The following TPD52 variants were observed in gnomAD, a reference collection of about 807,000 sequenced individuals.
The protein encoded by TPD52 is tumor protein D52.
Under a neutral mutation model 31.3 loss-of-function variants are expected in TPD52, and 17 were observed. That is an observed-to-expected ratio of 0.54 (90% confidence interval 0.37 to 0.82). TPD52 has a LOEUF of 0.82. Ranked by LOEUF, TPD52 falls within the 40% of genes least tolerant of loss-of-function variation. The pLI is 0.00. For synonymous variants in TPD52, 83 were observed against 89.6 expected, an observed-to-expected ratio of 0.93 and a Z score of 0.42; for missense variants, 212 against 240.1, an observed-to-expected ratio of 0.88 and a Z score of 0.77.
intron 1 of TPD52, among the ~76,000 whole-genome samples, chr8:80,106,517 C>A (rs1807123549): frequency 6.6e-6 from 1 of 151,850 alleles, no homozygotes. Flanking sequence ...CCACCACACC[C>A]GGCTAATTTT....
intron 1 of TPD52, among the ~76,000 whole-genome samples, chr8:80,134,925 T>C (rs1487789981): frequency 6.6e-6 from 1 of 152,218 alleles, no homozygotes; most frequent in Non-Finnish European, 1.5e-5. Context: ...TACACAGCGA[T>C]AGATAACTAA....
chr8:80,150,620 G>A (rs1400113808), intron 1 of TPD52, among the ~76,000 whole-genome samples: 4 of 152,220 alleles, frequency 2.6e-5, no homozygotes, highest in African/African-American at 7.2e-5. Context: ...TTGCATCAGC[G>A]TGACCTGGAT....
intron 1 of TPD52, among the ~76,000 whole-genome samples, chr8:80,101,550 A>G (rs1033405645): frequency 6.6e-6 from 1 of 152,112 alleles, no homozygotes; most frequent in African/African-American, 2.4e-5. Context: ...TTATAAAGAA[A>G]ATAGGTTTAT....
rs569115353 is a variant in TPD52 at position 80,161,196 on chromosome 8, G to A, written c.19+10229C>T. On this transcript the variant is annotated intron_variant, in intron 1 of 7. Transcript: ENST00000518937. ...CAAGAATAAAAATTTAACCAACACC[G>A]TCTCTTCTACCTATGTATACACACA... Among the ~76,000 whole-genome samples the A allele has an allele frequency of 4.6e-5, 7 of 152,278 alleles. No homozygotes were observed. In the South Asian group the frequency reaches 6.2e-4, roughly 14 times the overall value.
intron 1 of TPD52, among the ~76,000 whole-genome samples, chr8:80,152,780 C>CAAAAAAAAAGAA (rs1810670668): frequency 1.2e-5 from 1 of 83,546 alleles, no homozygotes; most frequent in African/African-American, 5.1e-5. Context: ...GACTCCGTCT[C>CAAAAAAAAAGAA]AAAAAAAAAA....
At chr8:80,158,745 C>A (rs1473970294) in intron 1 of TPD52, 1 of 151,342 alleles carries the variant, frequency 6.6e-6, no homozygotes, top group Middle Eastern at 3.4e-3. Context: ...GAGATCGAGA[C>A]CATCCCGGCT....
At chr8:80,113,964 G>A (rs1807684205) in intron 1 of TPD52, among the ~76,000 whole-genome samples, 1 of 152,064 alleles carries the variant, frequency 6.6e-6, no homozygotes, top group Non-Finnish European at 1.5e-5. Flanking sequence ...AAAATCACAG[G>A]CCGGGCATGG....
At chr8:80,081,719 T>TC (rs1815309593) in intron 1 of TPD52, among the ~76,000 whole-genome samples, 1 of 152,008 alleles carries the variant, frequency 6.6e-6, no homozygotes, top group African/African-American at 2.4e-5. Context: ...CTTGTGATTT[T>TC]TTTTTTTTAA....
At chr8:80,083,469 T>A (rs904125561) in intron 1 of TPD52, among the ~76,000 whole-genome samples, 1 of 152,124 alleles carries the variant, frequency 6.6e-6, no homozygotes, top group Non-Finnish European at 1.5e-5. Flanking sequence ...GGTTCCCCCA[T>A]GCTCTTCTCC....
At chr8:80,128,231 A>T in intron 1 of TPD52, among the ~76,000 whole-genome samples, 1 of 151,662 alleles carries the variant, frequency 6.6e-6, no homozygotes. Context: ...TTTTATTCTG[A>T]TTTTTACTTT....
intron 4 of TPD52, chr8:80,051,247 C>T: frequency 2.2e-6 from 1 of 457,760 alleles, no homozygotes; most frequent in South Asian, 2.6e-5. Context: ...CAAAGACATA[C>T]TTACCCTGCA....
intron 1 of TPD52, among the ~76,000 whole-genome samples, chr8:80,073,591 G>T (rs1179394072): frequency 6.6e-6 from 1 of 152,198 alleles, no homozygotes; most frequent in Non-Finnish European, 1.5e-5. Context: ...GATCTCTGAT[G>T]CACAGTGTCT....
intron 1 of TPD52, among the ~76,000 whole-genome samples, chr8:80,074,212 A>G (rs963608390): frequency 2.0e-5 from 3 of 152,242 alleles, no homozygotes; most frequent in African/African-American, 7.2e-5. Flanking sequence ...TGACTGTTTT[A>G]TTTAAGCACA....
rs777450557 is a variant in TPD52 at position 80,053,443 on chromosome 8, G to A, written c.136-13C>T. 47 of 1,611,598 alleles carry A rather than the reference G, an allele frequency of 2.9e-5. No individual in the cohort carries two copies. In the East Asian group the frequency reaches 5.4e-4, roughly 18 times the overall value. ...TTTCTTCTTCTACCTATGAGGAAGG[G>A]GTTTGGGGTAAGAATATAGCAAAAG... On this transcript the variant is annotated splice_polypyrimidine_tract_variant and intron_variant, in intron 2 of 7. Transcript: ENST00000518937.
intron 1 of TPD52, among the ~76,000 whole-genome samples, chr8:80,169,711 T>A (rs1334817782): frequency 6.6e-6 from 1 of 152,228 alleles, no homozygotes. Flanking sequence ...TGGGCACGTT[T>A]GTCGTCATGT....
chr8:80,081,281 T>G (rs1815259135), intron 1 of TPD52, among the ~76,000 whole-genome samples: 1 of 151,916 alleles, frequency 6.6e-6, no homozygotes, highest in Admixed American at 6.6e-5. Context: ...TCTAAGGCCA[T>G]GGCTCTGCAG....
chr8:80,119,258 A>C (rs1401417626), intron 1 of TPD52, among the ~76,000 whole-genome samples: 2 of 152,158 alleles, frequency 1.3e-5, no homozygotes, highest in Non-Finnish European at 2.9e-5. Context: ...TAGGGCTGGG[A>C]GTAAGGAAGT....
chr8:80,112,993 C>T (rs977019583), intron 1 of TPD52, among the ~76,000 whole-genome samples: 1 of 152,044 alleles, frequency 6.6e-6, no homozygotes, highest in African/African-American at 2.4e-5. Context: ...TAAACTTATA[C>T]ACTATATTTA....
chr8:80,169,312 T>C (rs935794895), intron 1 of TPD52, among the ~76,000 whole-genome samples: 1 of 152,176 alleles, frequency 6.6e-6, no homozygotes, highest in African/African-American at 2.4e-5. Context: ...AGCAAAGCTT[T>C]GGAGTAAATG....
Sources: gnomAD v4.1 joint callset for allele counts (sites outside exome capture counted in the v4.1 genomes callset) on GRCh38, gnomAD v4.1.1 for gene constraint, MANE v1.5 for transcripts, NCBI Gene and HGNC (gene_info 2026-07-23, HGNC 2026-07-21) for gene names.